ADGRB3: variants seen among roughly 807,000 people sequenced by gnomAD.
ADGRB3 encodes the protein brain-specific angiogenesis inhibitor 3.
Under a neutral mutation model 193.4 loss-of-function variants are expected in ADGRB3, and 37 were observed. The observed-to-expected ratio is 0.19, with a 90% CI of 0.15 to 0.25. The LOEUF is 0.25. ADGRB3 is among the 10% of genes least tolerant of loss of function. The probability of loss-of-function intolerance (pLI) is 1.00; values close to 1 mark genes in which losing one functional copy is unlikely to be tolerated. For synonymous variants in ADGRB3, 690 were observed against 644.2 expected, an observed-to-expected ratio of 1.07 and a Z score of -1.08; for missense variants, 1,637 against 1,852.9, an observed-to-expected ratio of 0.88 and a Z score of 2.14.
chr6:69,069,499 G>C (rs1772008683), intron 16 of ADGRB3, among the ~76,000 whole-genome samples: 1 of 129,522 alleles, frequency 7.7e-6, no homozygotes, highest in Non-Finnish European at 1.6e-5. Context: ...CATGAGGTCA[G>C]GAGTTCAAGA....
At chr6:68,836,733 A>T (rs1224945573) in intron 3 of ADGRB3, among the ~76,000 whole-genome samples, 3 of 152,258 alleles carry the variant, frequency 2.0e-5, no homozygotes, top group East Asian at 1.9e-4. Flanking sequence ...TCAAACCTGT[A>T]ACCCCCAATA....
intron 3 of ADGRB3, among the ~76,000 whole-genome samples, chr6:68,883,515 G>A (rs1277227140): frequency 1.3e-5 from 2 of 152,174 alleles, no homozygotes; most frequent in East Asian, 1.9e-4. Flanking sequence ...TTTATGAGCT[G>A]TAACACTCAC....
chr6:68,868,911 A>G (rs796909014), intron 3 of ADGRB3, among the ~76,000 whole-genome samples: 41,776 of 139,764 alleles, frequency 0.3, 6,777 homozygotes, highest in Middle Eastern at 0.52. Context: ...CCAGATAATG[A>G]TGTGTGTGTG....
chr6:68,973,250 G>C (rs1473222044), intron 8 of ADGRB3, among the ~76,000 whole-genome samples: 3 of 144,316 alleles, frequency 2.1e-5, no homozygotes, highest in Non-Finnish European at 4.8e-5. Flanking sequence ...TGTCTCCTTA[G>C]ACAAGCTTCC....
chr6:68,971,006 A>G (rs1016380599), intron 8 of ADGRB3, among the ~76,000 whole-genome samples: 2 of 152,226 alleles, frequency 1.3e-5, no homozygotes, highest in African/African-American at 4.8e-5. Flanking sequence ...AAGTGTGAGC[A>G]GCTTCACCTG....
chr6:69,113,538 A>G (rs888874159), intron 17 of ADGRB3, among the ~76,000 whole-genome samples: 9 of 152,108 alleles, frequency 5.9e-5, no homozygotes, highest in African/African-American at 2.2e-4. Flanking sequence ...TTATATTCTC[A>G]GTAAATTAAG....
chr6:68,749,267 A>G (rs1241329807), intron 3 of ADGRB3, among the ~76,000 whole-genome samples: 6 of 152,120 alleles, frequency 3.9e-5, no homozygotes, highest in African/African-American at 1.4e-4. Flanking sequence ...TTTCTGTCGC[A>G]TAGTCAGGCT....
At chr6:69,388,317 C>T (rs1185402547) in intron 31 of ADGRB3, among the ~76,000 whole-genome samples, 1 of 152,084 alleles carries the variant, frequency 6.6e-6, no homozygotes, top group Non-Finnish European at 1.5e-5. Context: ...ATCTGCTAAT[C>T]TCACCAAATT....
chr6:69,036,542 A>G (rs139357532), intron 13 of ADGRB3, among the ~76,000 whole-genome samples: 76 of 152,244 alleles, frequency 5.0e-4, no homozygotes, highest in Middle Eastern at 3.4e-3. Flanking sequence ...TTGGAATTTA[A>G]AGTCTAGCGT....
chr6:69,076,941 CAG>C (rs1772249514), intron 17 of ADGRB3, among the ~76,000 whole-genome samples: 1 of 151,894 alleles, frequency 6.6e-6, no homozygotes, highest in African/African-American at 2.4e-5. Context: ...TGTTTCTCAC[CAG>C]AGAGTCTAGA....
At chr6:69,060,011 G>T (rs897520025) in intron 15 of ADGRB3, among the ~76,000 whole-genome samples, 1 of 150,234 alleles carries the variant, frequency 6.7e-6, no homozygotes, top group African/African-American at 2.4e-5. Flanking sequence ...TATGGAAAAA[G>T]ACATGCGTAG....
chr6:68,824,462 A>C (rs1158506396), intron 3 of ADGRB3, among the ~76,000 whole-genome samples: 1 of 149,266 alleles, frequency 6.7e-6, no homozygotes, highest in Non-Finnish European at 1.5e-5. Context: ...ACATAAAATT[A>C]ATTTCAGTGA....
chr6:69,192,106 G>C (rs1334139020), intron 17 of ADGRB3, among the ~76,000 whole-genome samples: 2 of 152,114 alleles, frequency 1.3e-5, no homozygotes, highest in African/African-American at 4.8e-5. Flanking sequence ...AAAAGGAGTT[G>C]ATTAAGGAGT....
intron 17 of ADGRB3, among the ~76,000 whole-genome samples, chr6:69,224,901 C>A (rs1765977189): frequency 6.6e-6 from 1 of 151,928 alleles, no homozygotes; most frequent in Admixed American, 6.6e-5. Context: ...AATGATTTTC[C>A]CCTTGCAATT....
At chr6:68,656,882 T>C (rs1768502204) in intron 3 of ADGRB3, among the ~76,000 whole-genome samples, 1 of 151,662 alleles carries the variant, frequency 6.6e-6, no homozygotes, top group Admixed American at 6.6e-5. Context: ...AGAAATCATA[T>C]CTATTCTTTC....
chr6:69,360,882 T>C lies in ADGRB3; in HGVS notation c.3609T>C (p.Asp1203=), dbSNP rs1438366589. 6.2e-7 allele frequency: 1 copy of C among 1,606,164 alleles called. No individual in the cohort carries two copies. The highest frequency in any genetic ancestry group is 8.5e-7 in the Non-Finnish European group (1 of 1,175,848). ...DIACRSVLHK[D]IGPCRAATIT... is the part of the protein sequence containing the mutation. Reference sequence around the variant, plus strand: ...TCCTACTCACAGTTCTTCATAAGGATATTGGTCCTTGCCGAGCAGCCACAA... The same window carrying C: ...TCCTACTCACAGTTCTTCATAAGGACATTGGTCCTTGCCGAGCAGCCACAA... Residue 1203 remains aspartate, a synonymous_variant, in exon 29 of 32, where the codon GAT becomes GAC. Coordinates refer to ENST00000370598, the MANE Select transcript of ADGRB3 (RefSeq NM_001704.3).
At chr6:68,729,291 G>A (rs924139680) in intron 3 of ADGRB3, among the ~76,000 whole-genome samples, 1 of 151,418 alleles carries the variant, frequency 6.6e-6, no homozygotes, top group African/African-American at 2.4e-5. Flanking sequence ...AAATACCCCT[G>A]GATAAGTAGT....
At chr6:69,356,518 G>T (rs1018796834) in intron 28 of ADGRB3, among the ~76,000 whole-genome samples, 2 of 152,042 alleles carry the variant, frequency 1.3e-5, no homozygotes, top group Non-Finnish European at 2.9e-5. Flanking sequence ...AAAAGAGAGA[G>T]AGAACAAGAG....
intron 3 of ADGRB3, among the ~76,000 whole-genome samples, chr6:68,746,159 C>T (rs988579141): frequency 3.3e-5 from 5 of 151,824 alleles, no homozygotes; most frequent in African/African-American, 1.2e-4. Flanking sequence ...TATACTCTTG[C>T]CAACGTTGCC....
Sources: allele counts gnomAD v4.1 joint callset (sites outside exome capture counted in the v4.1 genomes callset), GRCh38; gene constraint gnomAD v4.1.1; transcripts MANE v1.5; gene names NCBI Gene and HGNC (gene_info 2026-07-23, HGNC 2026-07-21).